The following RTF2 variants were observed in gnomAD, a reference collection of about 807,000 sequenced individuals.
The protein encoded by RTF2 is UPF0549 protein C20orf43.
RTF2 carries 18 observed loss-of-function variants against 38.0 expected under a neutral mutation model. That is an observed-to-expected ratio of 0.47 (90% CI 0.33 to 0.70). The LOEUF (loss-of-function observed/expected upper bound fraction) is 0.70, where lower values mean the gene tolerates loss of function less well. RTF2 is among the 30% of genes least tolerant of loss of function. The pLI, the probability that RTF2 is intolerant of heterozygous loss-of-function variation, is 0.02. For synonymous variants in RTF2, 126 were observed against 137.1 expected, an observed-to-expected ratio of 0.92 and a Z score of 0.57; for missense variants, 311 against 379.6, an observed-to-expected ratio of 0.82 and a Z score of 1.50.
chr20:56,501,583 A>AT (rs1171242591), intron 5 of RTF2, among the ~76,000 whole-genome samples: 1 of 152,230 alleles, frequency 6.6e-6, no homozygotes, highest in Non-Finnish European at 1.5e-5. Flanking sequence ...GAACAGACCT[A>AT]TTTTTAACAT....
In RTF2 at chr20:56,477,133, C is replaced by T. The variant is rs773009642; in HGVS notation, c.398+9C>T. ...ATGAACGGCCGACACAGGTTAGTGACGGACCTGGGACAGATGATGTGGGAG... is the reference window on the plus strand; with the variant it reads ...ATGAACGGCCGACACAGGTTAGTGATGGACCTGGGACAGATGATGTGGGAG... On this transcript the variant is annotated intron_variant, in intron 4 of 8. Transcript: ENST00000357348. 1.1e-5 allele frequency: 17 copies of T among 1,613,212 alleles called. No individual in the cohort carries two copies. The highest frequency in any genetic ancestry group is 1.7e-4 in the Middle Eastern group (1 of 6,052).
chr20:56,496,656 G>A (rs1983559467), intron 5 of RTF2: 3 of 1,525,084 alleles, frequency 2.0e-6, no homozygotes, highest in Non-Finnish European at 2.6e-6. Context: ...TCGGTTCAGG[G>A]TCACCCAGTA....
chr20:56,513,731 C>A, intron 6 of RTF2: 1 of 289,308 alleles, frequency 3.5e-6, no homozygotes, highest in Non-Finnish European at 6.8e-6. Flanking sequence ...AGCACTGACA[C>A]TGACACGGCC....
chr20:56,491,831 T>G, intron 5 of RTF2: 1 of 1,398,878 alleles, frequency 7.1e-7, no homozygotes, highest in Non-Finnish European at 9.9e-7. Context: ...TCCTCACCCA[T>G]TTTATTCACA....
rs1168733422 is a variant in RTF2, at chr20:56,495,544, A to G, written c.477+11355A>G. The stretch of plus-strand genomic sequence containing the variant: ...AGGTGGACCAAGGTTGGGGATCCCC[A>G]TCTTTGTACTTGGGTTTCATTTTTC... On this transcript the variant is annotated intron_variant, in intron 5 of 8. Transcript: ENST00000357348. Among the ~76,000 whole-genome samples the G allele has an allele frequency of 2.0e-5, 3 of 152,158 alleles. No homozygotes were observed. In the East Asian group the frequency reaches 5.8e-4, roughly 29 times the overall value.
At chr20:56,495,280 G>A in intron 5 of RTF2, 2 of 1,551,362 alleles carry the variant, frequency 1.3e-6, no homozygotes, top group Non-Finnish European at 8.7e-7. Flanking sequence ...CCAGCGTTTG[G>A]TGTAGCACCT....
At chr20:56,511,960 G>A (rs1344205268) in intron 5 of RTF2, among the ~76,000 whole-genome samples, 1 of 152,088 alleles carries the variant, frequency 6.6e-6, no homozygotes, top group Non-Finnish European at 1.5e-5. Flanking sequence ...AGCCTCCCGA[G>A]TAGCTGGGAC....
At chr20:56,471,597 T>G (rs2146312261) in intron 1 of RTF2, 1 of 143,212 alleles carries the variant, frequency 7.0e-6, no homozygotes, top group Admixed American at 7.1e-5. Context: ...CAAAACCACT[T>G]GTACTTGTCT....
intron 5 of RTF2, among the ~76,000 whole-genome samples, chr20:56,485,269 G>A (rs1029116255): frequency 6.6e-6 from 1 of 152,200 alleles, no homozygotes; most frequent in African/African-American, 2.4e-5. Flanking sequence ...CTGAGTAGCA[G>A]CCTCTTCGGC....
chr20:56,491,485 C>T, intron 5 of RTF2: 1 of 935,436 alleles, frequency 1.1e-6, no homozygotes, highest in Non-Finnish European at 1.7e-6. Flanking sequence ...CATTTTCCCA[C>T]TTCTTTGGTT....
At chr20:56,474,884 C>A in intron 3 of RTF2, 113 bp downstream of exon 3, 1 of 623,586 alleles carries the variant, frequency 1.6e-6, no homozygotes, top group South Asian at 2.2e-5. Flanking sequence ...TCCATTCCCA[C>A]ATGGCCATCT....
chr20:56,495,232 C>T, intron 5 of RTF2: 1 of 1,551,558 alleles, frequency 6.4e-7, no homozygotes, highest in African/African-American at 1.4e-5. Flanking sequence ...TTTCCTTCCT[C>T]ACTTTTCCGC....
chr20:56,473,236 T>C (rs144658248), intron 1 of RTF2, 65 bp from the exon 2 acceptor site: 213 of 1,148,354 alleles, frequency 1.9e-4, no homozygotes, highest in Non-Finnish European at 2.4e-4. Context: ...TACTTTTATA[T>C]GTAGAATTGT....
intron 5 of RTF2, chr20:56,491,654 C>T (rs780883184): frequency 1.2e-5 from 19 of 1,552,004 alleles, no homozygotes; most frequent in Non-Finnish European, 1.5e-5. Context: ...AAGTCTGTGC[C>T]GCCGCTCTAA....
At chr20:56,489,790 G>C (rs1021322587) in intron 5 of RTF2, among the ~76,000 whole-genome samples, 3 of 152,204 alleles carry the variant, frequency 2.0e-5, no homozygotes, top group Admixed American at 1.3e-4. Flanking sequence ...CTTTTTTATT[G>C]TTCCTTTAAT....
intron 5 of RTF2, among the ~76,000 whole-genome samples, chr20:56,490,296 G>A (rs1679775774): frequency 6.6e-6 from 1 of 152,150 alleles, no homozygotes; most frequent in African/African-American, 2.4e-5. Flanking sequence ...TCTCTTGTAT[G>A]TTGTGCTGTT....
rs1985103283 is a variant in RTF2, at chr20:56,517,205, G to T, written c.742+4G>T. On this transcript the variant is annotated splice_donor_region_variant and intron_variant, in intron 8 of 8. Coordinates refer to ENST00000357348, the MANE Select transcript of RTF2 (RefSeq NM_016407.5). Reference sequence around the variant, plus strand: ...AACTTGGCTCCCAAAAGCACAGGTGGGTCCTGTTGTAGCTACAGGGAGCTG... The same window carrying T: ...AACTTGGCTCCCAAAAGCACAGGTGTGTCCTGTTGTAGCTACAGGGAGCTG... 1.2e-6 allele frequency: 2 copies of T among 1,612,584 alleles called. No individual in the cohort carries two copies. The highest frequency in any genetic ancestry group is 1.7e-5 in the Admixed American group (1 of 59,888).
chr20:56,476,853 C>A, intron 3 of RTF2, 132 bp from the exon 4 acceptor site: 2 of 805,230 alleles, frequency 2.5e-6, no homozygotes, highest in Admixed American at 2.4e-5. Context: ...TCTTATGGAC[C>A]AGAGGAAAGT....
intron 4 of RTF2, among the ~76,000 whole-genome samples, chr20:56,483,429 C>A (rs1172805962): frequency 2.0e-5 from 3 of 151,868 alleles, no homozygotes; most frequent in Non-Finnish European, 4.4e-5. Flanking sequence ...CTCAGGCCAT[C>A]CTCCCACCTC....
Sources: gnomAD v4.1 joint callset for allele counts (sites outside exome capture counted in the v4.1 genomes callset) on GRCh38, gnomAD v4.1.1 for gene constraint, MANE v1.5 for transcripts, NCBI Gene and HGNC (gene_info 2026-07-23, HGNC 2026-07-21) for gene names.